Variants in AGAP1 observed in about 807,000 individuals in gnomAD.
AGAP1 encodes ArfGAP with GTPase domain, ankyrin repeat and PH domain 1, also known as arf-GAP with GTPase, ANK repeat and PH domain-containing protein 1.
In AGAP1, 29 loss-of-function variants were observed where a neutral mutation model predicts 105.3. The ratio of observed to expected loss-of-function variants is 0.28; its 90% CI spans 0.21 to 0.38. AGAP1 has a LOEUF of 0.38. AGAP1 is among the 10% of genes least tolerant of loss of function. The pLI is 1.00. For missense variants in AGAP1, 998 were observed against 1,165.1 expected (o/e 0.86, Z 2.09); for synonymous variants, 509 against 485.9 (o/e 1.05, Z -0.63).
At position 235,744,501 on chromosome 2, in the gene AGAP1, C is replaced by A. The variant is rs1028014281; in HGVS notation, c.397-197C>A. On this transcript the variant is annotated intron_variant, in intron 4 of 17. Coordinates refer to ENST00000304032, the MANE Select transcript of AGAP1 (RefSeq NM_001037131.3). The surrounding 1 kb of genome is among the most constrained non-coding windows in gnomAD (Gnocchi z 5.2). Reference sequence around the variant, plus strand: ...ATGAAGGGCCCATTCCCAAGGGGAACACCAGGCATGGTGTGCTCAGGAGGA... The same window carrying A: ...ATGAAGGGCCCATTCCCAAGGGGAAAACCAGGCATGGTGTGCTCAGGAGGA... Among the ~76,000 whole-genome samples, 4 of 152,154 alleles carry A rather than the reference C, an allele frequency of 2.6e-5. No individual in the cohort carries two copies. The highest frequency in any genetic ancestry group is 9.7e-5 in the African/African-American group (4 of 41,442).
intron 1 of AGAP1, among the ~76,000 whole-genome samples, chr2:235,504,567 A>G (rs1314603701): frequency 6.7e-6 from 1 of 149,886 alleles, no homozygotes; most frequent in Admixed American, 6.7e-5. Flanking sequence ...TGTCATGAAT[A>G]GCACCACTGT....
chr2:236,122,187 G>A (rs2059916236), intron 17 of AGAP1, among the ~76,000 whole-genome samples: 1 of 152,080 alleles, frequency 6.6e-6, no homozygotes, highest in Non-Finnish European at 1.5e-5. Context: ...CTGCCTTTAA[G>A]CAGTCCTCTC....
intron 1 of AGAP1, among the ~76,000 whole-genome samples, chr2:235,686,630 T>TATATATATATATATAG (rs1559350548): frequency 2.1e-5 from 1 of 48,420 alleles, no homozygotes; most frequent in Non-Finnish European, 3.8e-5. Context: ...GATATATATA[T>TATATATATATATATAG]ATATATATAT....
At position 235,737,697 on chromosome 2, in the gene AGAP1, G is replaced by A. The variant is rs573537000; in HGVS notation, c.311-3266G>A. Among the ~76,000 whole-genome samples, 14 of 152,248 alleles carry A rather than the reference G, an allele frequency of 9.2e-5. No homozygotes were observed. Among genetic ancestry groups the A allele is most frequent in the Middle Eastern group, 3.4e-3 (1 of 294 alleles). On this transcript the variant is annotated intron_variant, in intron 3 of 17. Coordinates refer to ENST00000304032, the MANE Select transcript of AGAP1 (RefSeq NM_001037131.3). The surrounding 1 kb of genome is among the most constrained non-coding windows in gnomAD (Gnocchi z 4.5). Reference sequence around the variant, plus strand: ...AACAGGGAGGGTCATCTGCCAGGGCGTCACGGTCATTCCACGAGAGCTGGG... The same window carrying A: ...AACAGGGAGGGTCATCTGCCAGGGCATCACGGTCATTCCACGAGAGCTGGG...
At chr2:235,632,367 C>G (rs1477007625) in intron 1 of AGAP1, among the ~76,000 whole-genome samples, 3 of 152,196 alleles carry the variant, frequency 2.0e-5, no homozygotes, top group Non-Finnish European at 4.4e-5. Flanking sequence ...GTGAGGGCAG[C>G]TCTGGGGGAC....
At chr2:235,703,897 G>C (rs951749666) in intron 1 of AGAP1, among the ~76,000 whole-genome samples, 2 of 152,120 alleles carry the variant, frequency 1.3e-5, no homozygotes, top group African/African-American at 2.4e-5. Flanking sequence ...GGCTAGTCTT[G>C]AACTCCTGAT....
chr2:236,043,847 A>AG (rs1452288713), intron 15 of AGAP1, among the ~76,000 whole-genome samples: 2 of 152,122 alleles, frequency 1.3e-5, no homozygotes, highest in African/African-American at 4.8e-5. Context: ...AGGTATTTAG[A>AG]GGGGAAAGAT....
chr2:235,530,066 C>T (rs1316907153), intron 1 of AGAP1, among the ~76,000 whole-genome samples: 1 of 152,124 alleles, frequency 6.6e-6, no homozygotes, highest in Non-Finnish European at 1.5e-5. Context: ...GGACAGGCCA[C>T]CATCCATCCC....
At position 236,055,756 on chromosome 2, in the gene AGAP1, C is replaced by T. The variant is rs529272598; in HGVS notation, c.2114+6475C>T. The stretch of plus-strand genomic sequence containing the variant: ...TACATCCTCGGCTATGCAAACGCAA[C>T]AGCTGCTCAGGGACCTCAGCCCTTA... On this transcript the variant is annotated intron_variant, in intron 16 of 17. Coordinates refer to ENST00000304032, the MANE Select transcript of AGAP1 (RefSeq NM_001037131.3). This position sits in a 1 kb window ranked among gnomAD's most constrained non-coding sequence, Gnocchi z 6.2. Among the ~76,000 whole-genome samples the T allele has an allele frequency of 1.3e-5, 2 of 152,338 alleles. No homozygotes were observed. The highest frequency in any genetic ancestry group is 1.9e-4 in the East Asian group (1 of 5,182).
chr2:236,061,922 C>T lies in AGAP1; in HGVS notation c.2114+12641C>T, dbSNP rs563732747. 2.6e-4 allele frequency among the ~76,000 whole-genome samples: 39 copies of T among 150,816 alleles called. No individual in the cohort carries two copies. The highest frequency in any genetic ancestry group is 8.4e-4 in the South Asian group (4 of 4,736). ...GAATTTCCAAAGGAAAACAGATGAGCCAGGGCGTTCCACAAAGAGCAGCTG... is the reference window on the plus strand; with the variant it reads ...GAATTTCCAAAGGAAAACAGATGAGTCAGGGCGTTCCACAAAGAGCAGCTG... On this transcript the variant is annotated intron_variant, in intron 16 of 17. Coordinates refer to ENST00000304032, the MANE Select transcript of AGAP1 (RefSeq NM_001037131.3). This position sits in a 1 kb window ranked among gnomAD's most constrained non-coding sequence, Gnocchi z 4.1.
Position 235,998,832 on chromosome 2 carries a change from T to C in AGAP1, c.1645+30209T>C, listed in dbSNP as rs79480309. Among the ~76,000 whole-genome samples the C allele has an allele frequency of 2.8e-3, 410 of 145,800 alleles. 4 individuals are homozygous for C. Among genetic ancestry groups the C allele is most frequent in the African/African-American group, 9.6e-3 (386 of 40,158 alleles). On this transcript the variant is annotated intron_variant, in intron 13 of 17. Coordinates refer to ENST00000304032, the MANE Select transcript of AGAP1 (RefSeq NM_001037131.3). ...TTGTGACCTTGGTGAGAGTTGGTGATGGTGGTGGTTGTGAGTGTGGTGACC... is the reference window on the plus strand; with the variant it reads ...TTGTGACCTTGGTGAGAGTTGGTGACGGTGGTGGTTGTGAGTGTGGTGACC...
chr2:236,120,825 C>T lies in AGAP1; in HGVS notation c.2370+378C>T, dbSNP rs2059880789. On this transcript the variant is annotated intron_variant, in intron 17 of 17. Transcript: ENST00000304032. This position sits in a 1 kb window ranked among gnomAD's most constrained non-coding sequence, Gnocchi z 6.0. ...TTCACTTAACACAGAAATACTGGACCCTAAACTTTGAGGTCTGATGTGGCA... is the reference window on the plus strand; with the variant it reads ...TTCACTTAACACAGAAATACTGGACTCTAAACTTTGAGGTCTGATGTGGCA... Among the ~76,000 whole-genome samples, 1 of 152,142 alleles carries T rather than the reference C, an allele frequency of 6.6e-6. No homozygotes were observed. The highest frequency in any genetic ancestry group is 2.1e-4 in the South Asian group (1 of 4,824).
At chr2:236,070,056 C>G (rs368799214) in intron 16 of AGAP1, among the ~76,000 whole-genome samples, 145 of 152,384 alleles carry the variant, frequency 9.5e-4, no homozygotes, top group African/African-American at 3.2e-3. Context: ...GCCTAGAGCC[C>G]TGGCATCTGC....
rs548852034 is a variant in AGAP1, at chr2:236,109,039, C to G, written c.2115-11153C>G. Reference sequence around the variant, plus strand: ...ACAGCTGATGGTGGCTGTGTGAGACCTCATCTTTGCAGCTCTCAAATGCAT... The same window carrying G: ...ACAGCTGATGGTGGCTGTGTGAGACGTCATCTTTGCAGCTCTCAAATGCAT... On this transcript the variant is annotated intron_variant, in intron 16 of 17. Coordinates refer to ENST00000304032, the MANE Select transcript of AGAP1 (RefSeq NM_001037131.3). The surrounding 1 kb of genome is among the most constrained non-coding windows in gnomAD (Gnocchi z 5.4). Among the ~76,000 whole-genome samples the G allele has an allele frequency of 1.4e-3, 220 of 152,324 alleles. 2 individuals carry two copies. Among genetic ancestry groups the G allele is most frequent in the African/African-American group, 5.2e-3 (215 of 41,574 alleles).
chr2:235,880,084 T>C (rs1233619601), intron 9 of AGAP1, among the ~76,000 whole-genome samples: 1 of 48,018 alleles, frequency 2.1e-5, no homozygotes, highest in Admixed American at 2.8e-4. Flanking sequence ...CACTCTGGCC[T>C]TTTTTTTTTT....
intron 13 of AGAP1, among the ~76,000 whole-genome samples, chr2:235,997,949 G>T (rs1005827811): frequency 2.6e-5 from 4 of 152,170 alleles, no homozygotes; most frequent in Non-Finnish European, 2.9e-5. Context: ...AGGGCCCACA[G>T]TTTGGATGCA....
chr2:235,644,430 G>A (rs866509039), intron 1 of AGAP1, among the ~76,000 whole-genome samples: 2 of 152,078 alleles, frequency 1.3e-5, no homozygotes, highest in African/African-American at 2.4e-5. Flanking sequence ...TTACACATAC[G>A]TTTCCATGGA....
chr2:235,703,446 C>T (rs570534236), intron 1 of AGAP1, among the ~76,000 whole-genome samples: 3 of 151,580 alleles, frequency 2.0e-5, no homozygotes, highest in South Asian at 4.2e-4. Context: ...GGAGAGCTTC[C>T]TCTGTGGGTA....
At position 235,721,005 on chromosome 2, in the gene AGAP1, T is replaced by TTTTA. The variant is rs1420393932; in HGVS notation, c.310+3377_310+3380dup. On this transcript the variant is annotated intron_variant, in intron 3 of 17. Transcript: ENST00000304032. This position sits in a 1 kb window ranked among gnomAD's most constrained non-coding sequence, Gnocchi z 4.5. ...AACTCACAAGATTTAGATTATTTTA[T>TTTTA]TTTATTTATTTATTTATTTTGAGAT... 4.6e-5 allele frequency among the ~76,000 whole-genome samples: 7 copies of TTTTA among 152,112 alleles called. No homozygotes were observed. Among genetic ancestry groups the TTTTA allele is most frequent in the East Asian group, 1.9e-4 (1 of 5,194 alleles).
Sources: gnomAD v4.1 joint callset for allele counts (sites outside exome capture counted in the v4.1 genomes callset) on GRCh38, gnomAD v4.1.1 for gene constraint, Gnocchi (gnomAD v3.1) non-coding constraint, MANE v1.5 for transcripts, NCBI Gene and HGNC (gene_info 2026-07-23, HGNC 2026-07-21) for gene names.